GATA2: variants seen among roughly 807,000 people sequenced by gnomAD.
GATA2 encodes the protein endothelial transcription factor GATA-2.
Under a neutral mutation model 35.7 loss-of-function variants are expected in GATA2, and 6 were observed. That is an observed-to-expected ratio of 0.17 (90% CI 0.09 to 0.33). The LOEUF is 0.33. GATA2 is among the 10% of genes least tolerant of loss of function. The pLI, the probability that GATA2 is intolerant of heterozygous loss-of-function variation, is 1.00. For missense variants in GATA2, 541 were observed against 656.6 expected (o/e 0.82, Z 1.92); for synonymous variants, 313 against 274.9 (o/e 1.14, Z -1.37).
At chr3:128,491,213 C>G (rs1036158873) in intron 1 of GATA2, among the ~76,000 whole-genome samples, 2 of 120,586 alleles carry the variant, frequency 1.7e-5, no homozygotes, top group South Asian at 2.7e-4. Context: ...GTCCAGCCCC[C>G]CCCCCCCTCT....
Position 128,491,216 on chromosome 3 carries a change from C to CA in GATA2, c.-46+1682_-46+1683insT, listed in dbSNP as rs1314842676. On this transcript the variant is annotated intron_variant, in intron 1 of 5. Coordinates refer to ENST00000341105, the MANE Select transcript of GATA2 (RefSeq NM_032638.5). ...GTCTCCCCGGCCGTCCAGCCCCCCC[C>CA]CCCCTCTGAGCCCTTTGTTTAAAGT... Among the ~76,000 whole-genome samples the CA allele has an allele frequency of 5.7e-5, 7 of 122,362 alleles. 1 individual carries two copies. Among genetic ancestry groups the CA allele is most frequent in the Non-Finnish European group, 1.0e-4 (6 of 57,360 alleles). 80.3% of individuals were successfully genotyped at this position (122,362 alleles called of 152,430 possible). A position where few individuals can be genotyped will look rare whatever the true frequency, so the allele number is the denominator to read the frequency against.
rs961402420 is a variant in GATA2 at position 128,480,620 on chromosome 3, G to A, written c.*399C>T. 2.5e-5 allele frequency: 7 copies of A among 275,244 alleles called. No individual in the cohort carries two copies. The highest frequency in any genetic ancestry group is 4.1e-5 in the Non-Finnish European group (6 of 146,222). 17.1% of individuals were successfully genotyped at this position (275,244 alleles called of 1,614,324 possible). ...GACCCGCCAATCCCGAGGAAGAACCGGAGGACTTGGGACAGCTCAGACCAC... is the reference window on the plus strand; with the variant it reads ...GACCCGCCAATCCCGAGGAAGAACCAGAGGACTTGGGACAGCTCAGACCAC... On this transcript the variant is annotated 3_prime_UTR_variant, in exon 6 of 6. Transcript: ENST00000341105.
chr3:128,486,481 C>T, intron 2 of GATA2, 113 bp from the exon 3 acceptor site: 2 of 1,342,802 alleles, frequency 1.5e-6, no homozygotes, highest in Non-Finnish European at 2.0e-6. Flanking sequence ...CAGTCATCCC[C>T]TCCCCAAAGA....
At chr3:128,491,916 T>A (rs575979728) in intron 1 of GATA2, 1 of 152,302 alleles carries the variant, frequency 6.6e-6, no homozygotes, top group South Asian at 2.1e-4. Flanking sequence ...AACTGGTAAA[T>A]CCGTTTCGTT....
chr3:128,487,831 G>C (rs1409179709), intron 1 of GATA2: 1 of 152,380 alleles, frequency 6.6e-6, no homozygotes, highest in Non-Finnish European at 1.5e-5. Flanking sequence ...TTACAGGGTA[G>C]GAGCTGGGGG....
rs2068702077 is a variant in GATA2, at chr3:128,486,494, G to A, written c.230-126C>T. On this transcript the variant is annotated intron_variant, in intron 2 of 5. Coordinates refer to ENST00000341105, the MANE Select transcript of GATA2 (RefSeq NM_032638.5). ...AGCAGTCATCCCCTCCCCAAAGAAA[G>A]CCAGAAACATAATACCCCACCGGTA... The A allele has an allele frequency of 4.1e-6, 5 of 1,209,922 alleles. No homozygotes were observed. In the African/African-American group the frequency reaches 4.5e-5, roughly 11 times the overall value. The allele number at this position is 1,209,922 out of a possible 1,614,324, so 74.9% of individuals were successfully genotyped here. A position where few individuals can be genotyped will look rare whatever the true frequency, so the allele number is the denominator to read the frequency against.
chr3:128,484,776 G>A (rs1439568440), intron 3 of GATA2, among the ~76,000 whole-genome samples: 1 of 152,110 alleles, frequency 6.6e-6, no homozygotes, highest in Non-Finnish European at 1.5e-5. Flanking sequence ...GGGGCTCAGC[G>A]GGTGCTGGGG....
chr3:128,491,210 C>A (rs1334320514), intron 1 of GATA2, among the ~76,000 whole-genome samples: 3 of 9,902 alleles, frequency 3.0e-4, no homozygotes, highest in Non-Finnish European at 9.0e-4. Context: ...GCCGTCCAGC[C>A]CCCCCCCCCC....
chr3:128,486,515 C>T (rs959642342), intron 2 of GATA2, 147 bp from the exon 3 acceptor site: 24 of 1,029,062 alleles, frequency 2.3e-5, no homozygotes, highest in Admixed American at 6.5e-5. Context: ...AATACCCCAC[C>T]GGTAATAATC....
intron 4 of GATA2, among the ~76,000 whole-genome samples, chr3:128,482,823 C>A (rs1017016200): frequency 6.6e-6 from 1 of 152,232 alleles, no homozygotes; most frequent in African/African-American, 2.4e-5. Flanking sequence ...CCGGTTCCAC[C>A]AACGCCAGCC....
chr3:128,481,348 C>T, intron 5 of GATA2, 30 bp from the exon 6 acceptor site: 1 of 1,605,230 alleles, frequency 6.2e-7, no homozygotes, highest in Non-Finnish European at 8.5e-7. Context: ...TTCAGAGGGC[C>T]AGTTCCTTCC....
At position 128,481,039 on chromosome 3, in the gene GATA2, T is replaced by G. The variant is rs1429596189; in HGVS notation, c.1423A>C (p.Met475Leu). The G allele has an allele frequency of 1.9e-6, 3 of 1,586,290 alleles. No individual in the cohort carries two copies. ...LSFGHPHPSS[M>L]VTAMG Reference sequence around the variant, plus strand: ...GTTCCCTAGCCCATGGCGGTCACCATGCTGGACGGGTGGGGGTGGCCGAAG... The same window carrying G: ...GTTCCCTAGCCCATGGCGGTCACCAGGCTGGACGGGTGGGGGTGGCCGAAG... Residue 475 changes from methionine (M) to leucine (L), a missense_variant, in exon 6 of 6, where the codon ATG becomes CTG. Physicochemically the swap from Met to Leu is conservative, Grantham distance 15. This residue lies in a region of GATA2 where 95 missense variants were observed against 114.0 expected (regional missense o/e 0.83). Coordinates refer to ENST00000341105, the MANE Select transcript of GATA2 (RefSeq NM_032638.5).
intron 1 of GATA2, chr3:128,490,398 T>G (rs1311888512): frequency 1.3e-5 from 2 of 152,264 alleles, no homozygotes; most frequent in African/African-American, 4.8e-5. Context: ...CCAGCCTCCT[T>G]GCCCGCAATC....
chr3:128,479,426 A>G, downstream of GATA2: 1 of 227,194 alleles, frequency 4.4e-6, no homozygotes, highest in Non-Finnish European at 8.8e-6. Context: ...GGCCAGGGGC[A>G]TTCACAAAAA....
chr3:128,481,069 G>A lies in GATA2; in HGVS notation c.1393C>T (p.Leu465Phe), dbSNP rs2068620480. 1.9e-6 allele frequency: 3 copies of A among 1,604,942 alleles called. No individual in the cohort carries two copies. The highest frequency in any genetic ancestry group is 4.5e-5 in the East Asian group (2 of 44,726). Residue 465 changes from leucine (L) to phenylalanine (F), a missense_variant, in exon 6 of 6, where the codon CTC (leucine) becomes TTC (phenylalanine). Around this residue, in one of 5 missense-constraint regions of GATA2, gnomAD observed 95 missense variants for 114.0 expected, o/e 0.83. Transcript: ENST00000341105. ...GACGGGTGGGGGTGGCCGAAGGAGA[G>A]GCTGGAGGAGGGGTGGATGGGCGTC... ...TPTPIHPSSSLSFGHPHPSSM... is the reference protein window; with the variant it reads ...TPTPIHPSSSFSFGHPHPSSM...
rs2107667379 is a variant in GATA2, at chr3:128,480,775, GT to G, written c.*243del. Reference sequence around the variant, plus strand: ...TTCTCTACATAAAGTTGTCCTTGTTGTTCTCCAAACAACTGTCCATGCAGGA... The same window carrying G: ...TTCTCTACATAAAGTTGTCCTTGTTGTCTCCAAACAACTGTCCATGCAGGA... On this transcript the variant is annotated 3_prime_UTR_variant, in exon 6 of 6. Coordinates refer to ENST00000341105, the MANE Select transcript of GATA2 (RefSeq NM_032638.5). 1 of 509,134 alleles carries G rather than the reference GT, an allele frequency of 2.0e-6. No homozygotes were observed. Among genetic ancestry groups the G allele is most frequent in the Non-Finnish European group, 3.4e-6 (1 of 290,808 alleles). 31.5% of individuals were successfully genotyped at this position (509,134 alleles called of 1,614,324 possible).
At position 128,487,093 on chromosome 3, in the gene GATA2, G is replaced by T. The variant is rs954922007; in HGVS notation, c.-45-17C>A. 3.6e-6 allele frequency: 5 copies of T among 1,385,668 alleles called. No individual in the cohort carries two copies. In the African/African-American group the frequency reaches 4.3e-5, roughly 12 times the overall value. The allele number at this position is 1,385,668 out of a possible 1,614,324, so 85.8% of individuals were successfully genotyped here. ...GCAACGGCCCTGCGCGAGGAAGGGG[G>T]AGTGAGGCGTGCCGCCAGCGCCTGA... On this transcript the variant is annotated splice_polypyrimidine_tract_variant and intron_variant, in intron 1 of 5. Transcript: ENST00000341105.
In GATA2 at chr3:128,480,019, A is replaced by G. The variant is rs1205411408; in HGVS notation, c.*1000T>C. 1 of 232,918 alleles carries G rather than the reference A, an allele frequency of 4.3e-6. No homozygotes were observed. The highest frequency in any genetic ancestry group is 2.2e-5 in the African/African-American group (1 of 45,298). The allele number at this position is 232,918 out of a possible 1,614,324, so 14.4% of individuals were successfully genotyped here. ...GCTGTGGGATCCCAGCTCTTTTCCA[A>G]AAAGAATTGCAAAGCTCCAACCTTG... On this transcript the variant is annotated 3_prime_UTR_variant, in exon 6 of 6. Coordinates refer to ENST00000341105, the MANE Select transcript of GATA2 (RefSeq NM_032638.5).
Position 128,480,882 on chromosome 3 carries a change from T to C in GATA2, c.*137A>G. On this transcript the variant is annotated 3_prime_UTR_variant, in exon 6 of 6. Coordinates refer to ENST00000341105, the MANE Select transcript of GATA2 (RefSeq NM_032638.5). ...TTCACAGTAACTGCTGGCAGGCTGC[T>C]GGGCGCCCTCCAGGAGAGGGGGTGC... is the stretch of plus-strand genomic sequence containing the variant. The C allele has an allele frequency of 1.0e-6, 1 of 972,216 alleles. No homozygotes were observed. The highest frequency in any genetic ancestry group is 2.9e-5 in the Admixed American group (1 of 33,956). The allele number at this position is 972,216 out of a possible 1,614,324, so 60.2% of individuals were successfully genotyped here.
Sources: gnomAD v4.1 joint callset for allele counts (sites outside exome capture counted in the v4.1 genomes callset) on GRCh38, gnomAD v4.1.1 for gene constraint, gnomAD v4.1.1 regional missense constraint, MANE v1.5 for transcripts, NCBI Gene and HGNC (gene_info 2026-07-23, HGNC 2026-07-21) for gene names.